LPA: variants seen among roughly 807,000 people sequenced by gnomAD.
The protein encoded by LPA is apolipoprotein(a).
Under a neutral mutation model 197.9 loss-of-function variants are expected in LPA, and 199 were observed. The ratio of observed to expected loss-of-function variants is 1.01; its 90% CI spans 0.90 to 1.13. The LOEUF is 1.13. Ranked by LOEUF, LPA falls within the 50% of genes most tolerant of loss-of-function variation. The pLI, the probability that LPA is intolerant of heterozygous loss-of-function variation, is 0.00. For missense variants in LPA, 1,853 were observed against 1,785.8 expected (o/e 1.04, Z -0.68); for synonymous variants, 715 against 639.5 (o/e 1.12, Z -1.78).
chr6:160,568,299 T>C (rs970080707), intron 28 of LPA, among the ~76,000 whole-genome samples: 1 of 152,208 alleles, frequency 6.6e-6, no homozygotes, highest in Non-Finnish European at 1.5e-5. Flanking sequence ...CATGATCAAG[T>C]TGGCTTTATC....
chr6:160,538,176 C>G (rs1393832853), intron 36 of LPA, among the ~76,000 whole-genome samples: 2 of 152,230 alleles, frequency 1.3e-5, no homozygotes, highest in Non-Finnish European at 2.9e-5. Flanking sequence ...TGAAAGGCAT[C>G]AGTTGCATGC....
At chr6:160,641,081 C>T (rs1451251086) in intron 4 of LPA, among the ~76,000 whole-genome samples, 1 of 138,598 alleles carries the variant, frequency 7.2e-6, no homozygotes, top group East Asian at 2.0e-4. Flanking sequence ...TCTAAAGTAG[C>T]AAACGCTTCT....
At position 160,542,767 on chromosome 6, in the gene LPA, T is replaced by A; in HGVS notation, c.5440A>T (p.Lys1814Ter). Residue 1814 changes from lysine to a stop codon, truncating the protein, a stop_gained, in exon 34 of 39, where the codon AAG (lysine) becomes TAG (stop). Transcript: ENST00000316300. LOFTEE classifies it high-confidence loss of function. ...CCTACAATGCTTCCAGGACATTTCTTCGGCTCCACTTGAGGCTTCCCACAA... is the reference window on the plus strand; with the variant it reads ...CCTACAATGCTTCCAGGACATTTCTACGGCTCCACTTGAGGCTTCCCACAA... ...FDCGKPQVEP[K>*]KCPGSIVGGC... 1 of 1,614,140 alleles carries A rather than the reference T, an allele frequency of 6.2e-7. No individual in the cohort carries two copies. Among genetic ancestry groups the A allele is most frequent in the Non-Finnish European group, 8.5e-7 (1 of 1,179,994 alleles).
At chr6:160,608,972 C>T (rs1779420787) in intron 16 of LPA, among the ~76,000 whole-genome samples, 1 of 151,974 alleles carries the variant, frequency 6.6e-6, no homozygotes, top group Non-Finnish European at 1.5e-5. Context: ...AGGCAGCCAT[C>T]CAGTAATTTT....
chr6:160,533,026 A>G (rs551554788), intron 37 of LPA, among the ~76,000 whole-genome samples: 3 of 152,288 alleles, frequency 2.0e-5, no homozygotes, highest in East Asian at 1.9e-4. Context: ...TTACTATTAC[A>G]TCATAATGCA....
intron 20 of LPA, among the ~76,000 whole-genome samples, chr6:160,597,398 A>G (rs976038320): frequency 1.3e-5 from 2 of 152,168 alleles, no homozygotes. Flanking sequence ...ATATTCCTCA[A>G]TGAACAATTT....
At chr6:160,539,121 G>A (rs1054982581) in intron 36 of LPA, among the ~76,000 whole-genome samples, 1 of 152,130 alleles carries the variant, frequency 6.6e-6, no homozygotes, top group South Asian at 2.1e-4. Context: ...AGGCCCAGGA[G>A]AGCAGCTCAG....
At chr6:160,576,796 A>G (rs1432204153) in intron 28 of LPA, among the ~76,000 whole-genome samples, 2 of 150,228 alleles carry the variant, frequency 1.3e-5, no homozygotes, top group Non-Finnish European at 3.0e-5. Context: ...GAAATTTAGA[A>G]TGACAGAATT....
At chr6:160,531,912 T>A in intron 38 of LPA, 22 bp from the exon 39 acceptor site, 1 of 1,613,736 alleles carries the variant, frequency 6.2e-7, no homozygotes, top group Non-Finnish European at 8.5e-7. Context: ...TAGGGGAAAA[T>A]TCATGTGAGC....
intron 1 of LPA, among the ~76,000 whole-genome samples, chr6:160,655,958 G>C (rs373220394): frequency 1.3e-5 from 2 of 152,200 alleles, no homozygotes; most frequent in African/African-American, 2.4e-5. Flanking sequence ...AATTGCTTCT[G>C]GTGGGTCTTA....
intron 18 of LPA, among the ~76,000 whole-genome samples, chr6:160,603,776 G>C (rs1002561441): frequency 1.3e-5 from 2 of 152,204 alleles, no homozygotes; most frequent in Admixed American, 1.3e-4. Flanking sequence ...AATTGACTTG[G>C]AAATGATTTT....
In LPA at chr6:160,593,970, T is replaced by C. The variant is rs1366632784; in HGVS notation, c.3617A>G (p.Tyr1206Cys). Reference sequence around the variant, plus strand: ...CTCAAGGTTGTACCCATTTGGATAATATTCTGTTGTCCTCTGATGCCAGTG... The same window carrying C: ...CTCAAGGTTGTACCCATTTGGATAACATTCTGTTGTCCTCTGATGCCAGTG... ...TPHWHQRTTE[Y>C]YPNGGLTRNY... The change falls in exon 22 of 39, where the codon TAT (tyrosine) becomes TGT (cysteine). Residue 1206 changes from tyrosine to cysteine, a missense_variant. Tyr to Cys is a radical substitution (Grantham distance 194, BLOSUM62 -2). Transcript: ENST00000316300. The C allele has an allele frequency of 1.2e-6, 2 of 1,613,784 alleles. No individual in the cohort carries two copies. Among genetic ancestry groups the C allele is most frequent in the African/African-American group, 2.7e-5 (2 of 74,924 alleles).
intron 34 of LPA, among the ~76,000 whole-genome samples, chr6:160,541,743 G>T (rs886904440): frequency 6.6e-6 from 1 of 152,200 alleles, no homozygotes; most frequent in African/African-American, 2.4e-5. Context: ...AGATTGCAAC[G>T]AAGAGGAATA....
intron 30 of LPA, among the ~76,000 whole-genome samples, chr6:160,554,461 C>T (rs1200054713): frequency 2.6e-5 from 4 of 152,140 alleles, no homozygotes; most frequent in South Asian, 2.1e-4. Flanking sequence ...TCCTTTTAGA[C>T]TTGGTTTTTA....
chr6:160,577,747 G>A (rs570799427), intron 27 of LPA, among the ~76,000 whole-genome samples: 16 of 152,272 alleles, frequency 1.1e-4, no homozygotes, highest in Admixed American at 7.8e-4. Context: ...ATTTGGGCAG[G>A]AAATCATCCT....
At chr6:160,551,823 G>A (rs950871715) in intron 30 of LPA, among the ~76,000 whole-genome samples, 12 of 151,934 alleles carry the variant, frequency 7.9e-5, no homozygotes, top group African/African-American at 2.9e-4. Flanking sequence ...CCATCTATAC[G>A]GAAAATCCAT....
At position 160,604,934 on chromosome 6, in the gene LPA, C is replaced by T; in HGVS notation, c.2945+112G>A. 2.0e-6 allele frequency: 3 copies of T among 1,494,374 alleles called. No individual in the cohort carries two copies. In the South Asian group the frequency reaches 3.4e-5, roughly 17 times the overall value. The allele number at this position is 1,494,374 out of a possible 1,614,324, so 92.6% of individuals were successfully genotyped here. ...AATGTTCCTGAGACATTTTGCTATG[C>T]ACTGTTCATCTGAGACAACTTGAGT... On this transcript the variant is annotated intron_variant, in intron 18 of 38. Transcript: ENST00000316300.
chr6:160,570,986 C>G (rs1488753384), intron 28 of LPA, among the ~76,000 whole-genome samples: 1 of 152,150 alleles, frequency 6.6e-6, no homozygotes, highest in Non-Finnish European at 1.5e-5. Context: ...GTTCCATTCT[C>G]CCATCACTTT....
intron 32 of LPA, among the ~76,000 whole-genome samples, chr6:160,546,690 C>A (rs964089628): frequency 6.6e-6 from 1 of 152,060 alleles, no homozygotes; most frequent in East Asian, 1.9e-4. Flanking sequence ...GTGTCAGGAC[C>A]GAGTTACATT....
Sources: gnomAD v4.1 joint callset for allele counts (sites outside exome capture counted in the v4.1 genomes callset) on GRCh38, gnomAD v4.1.1 for gene constraint, MANE v1.5 for transcripts, NCBI Gene and HGNC (gene_info 2026-07-23, HGNC 2026-07-21) for gene names.